Variants in CTNNA3 observed in about 807,000 individuals in gnomAD.
CTNNA3 encodes the protein catenin alpha-3.
CTNNA3 carries 76 observed loss-of-function variants against 95.7 expected under a neutral mutation model. That is an observed-to-expected ratio of 0.79 (90% CI 0.66 to 0.96). The LOEUF (loss-of-function observed/expected upper bound fraction) is 0.96. Ranked by LOEUF, CTNNA3 falls within the 40% of genes least tolerant of loss-of-function variation. CTNNA3 has a pLI of 0.00. For missense variants in CTNNA3, 1,191 were observed against 1,089.8 expected (o/e 1.09, Z -1.31); for synonymous variants, 431 against 374.4 (o/e 1.15, Z -1.74).
intron 2 of CTNNA3, among the ~76,000 whole-genome samples, chr10:67,637,924 G>C (rs187067373): frequency 1.3e-3 from 195 of 152,288 alleles, no homozygotes; most frequent in African/African-American, 4.4e-3. Flanking sequence ...AAATTGTAAA[G>C]ACCATCAAGG....
At chr10:67,156,446 T>A (rs1269843627) in intron 7 of CTNNA3, among the ~76,000 whole-genome samples, 1 of 150,210 alleles carries the variant, frequency 6.7e-6, no homozygotes, top group African/African-American at 2.4e-5. Context: ...GTACTGGTTT[T>A]GCTGCATTCC....
intron 7 of CTNNA3, among the ~76,000 whole-genome samples, chr10:66,966,816 C>T (rs1408412213): frequency 6.6e-6 from 1 of 152,028 alleles, no homozygotes; most frequent in Non-Finnish European, 1.5e-5. Context: ...AGTGTGCTCT[C>T]ACATCTCCAT....
At chr10:67,657,703 C>T (rs1053121939) in intron 1 of CTNNA3, among the ~76,000 whole-genome samples, 4 of 151,572 alleles carry the variant, frequency 2.6e-5, no homozygotes, top group East Asian at 1.9e-4. Flanking sequence ...AAATATTAGC[C>T]GGGAATTGTG....
chr10:67,088,308 C>T (rs529244660), intron 7 of CTNNA3, among the ~76,000 whole-genome samples: 7 of 151,626 alleles, frequency 4.6e-5, no homozygotes, highest in East Asian at 1.9e-4. Context: ...AATAAATTAA[C>T]GAATGAATAT....
At chr10:67,439,703 C>A (rs1366257486) in intron 5 of CTNNA3, among the ~76,000 whole-genome samples, 1 of 152,134 alleles carries the variant, frequency 6.6e-6, no homozygotes, top group African/African-American at 2.4e-5. Flanking sequence ...AGCTCCTGGG[C>A]AACATTTCTC....
intron 9 of CTNNA3, among the ~76,000 whole-genome samples, chr10:66,667,635 G>A (rs1168905188): frequency 2.6e-5 from 4 of 152,100 alleles, no homozygotes; most frequent in Non-Finnish European, 5.9e-5. Context: ...TAACAGCCTA[G>A]TAAGCCAAGT....
At chr10:67,648,518 T>C (rs1423130496) in intron 1 of CTNNA3, among the ~76,000 whole-genome samples, 1 of 152,208 alleles carries the variant, frequency 6.6e-6, no homozygotes, top group Admixed American at 6.5e-5. Context: ...AGTGTGTCCT[T>C]GTTCCTAGTC....
chr10:66,937,804 C>T (rs369008698), intron 7 of CTNNA3, among the ~76,000 whole-genome samples: 3 of 152,116 alleles, frequency 2.0e-5, no homozygotes, highest in Non-Finnish European at 2.9e-5. Context: ...CTCCCAAGTC[C>T]TCCAGTCAAT....
chr10:67,468,148 C>T (rs1045391411), intron 5 of CTNNA3, among the ~76,000 whole-genome samples: 7 of 151,750 alleles, frequency 4.6e-5, no homozygotes, highest in Admixed American at 3.9e-4. Context: ...GCCTAGTACC[C>T]GTTGGTGTTT....
chr10:66,230,015 G>T (rs964318479), intron 13 of CTNNA3, among the ~76,000 whole-genome samples: 2 of 151,386 alleles, frequency 1.3e-5, no homozygotes, highest in African/African-American at 4.9e-5. Flanking sequence ...TACTATTGAA[G>T]TTTTTCTATT....
At chr10:66,528,426 T>C (rs879464926) in intron 10 of CTNNA3, among the ~76,000 whole-genome samples, 1 of 152,172 alleles carries the variant, frequency 6.6e-6, no homozygotes, top group Non-Finnish European at 1.5e-5. Flanking sequence ...ATATTTAGGA[T>C]TTTCAGACTG....
At chr10:66,257,416 C>A (rs1378452494) in intron 13 of CTNNA3, among the ~76,000 whole-genome samples, 1 of 152,184 alleles carries the variant, frequency 6.6e-6, no homozygotes, top group Non-Finnish European at 1.5e-5. Flanking sequence ...TCCTTTTAGT[C>A]GTGCCAAGCT....
At chr10:67,726,491 TAC>T in intron 1 of CTNNA3, among the ~76,000 whole-genome samples, 1 of 63,948 alleles carries the variant, frequency 1.6e-5, no homozygotes, top group Non-Finnish European at 2.5e-5. Flanking sequence ...TTATATCATA[TAC>T]AATATATAAT....
chr10:67,201,452 C>CTT, intron 6 of CTNNA3, among the ~76,000 whole-genome samples: 1 of 149,686 alleles, frequency 6.7e-6, no homozygotes, highest in Middle Eastern at 3.5e-3. Context: ...TATGTCTATT[C>CTT]TTTTTTTTTT....
At chr10:65,997,223 A>T (rs1275778515) in intron 15 of CTNNA3, among the ~76,000 whole-genome samples, 1 of 152,216 alleles carries the variant, frequency 6.6e-6, no homozygotes, top group African/African-American at 2.4e-5. Context: ...TCTAGCATTC[A>T]CTTAAAAGGA....
At chr10:66,554,911 T>C (rs1360840262) in intron 10 of CTNNA3, among the ~76,000 whole-genome samples, 1 of 152,112 alleles carries the variant, frequency 6.6e-6, no homozygotes, top group Non-Finnish European at 1.5e-5. Flanking sequence ...TTCTCTGCTA[T>C]TTTTTGTTCC....
chr10:66,014,570 A>G (rs1179759041), intron 15 of CTNNA3, among the ~76,000 whole-genome samples: 1 of 152,172 alleles, frequency 6.6e-6, no homozygotes. Context: ...ATGACTATAA[A>G]TGTGTTTTTG....
intron 11 of CTNNA3, among the ~76,000 whole-genome samples, chr10:66,402,458 T>C (rs1008242368): frequency 2.0e-5 from 3 of 152,224 alleles, no homozygotes; most frequent in African/African-American, 7.2e-5. Flanking sequence ...ATATCATACA[T>C]TGGCTTTTTC....
In CTNNA3 at chr10:67,676,797, C is replaced by T. The variant is rs1840542852; in HGVS notation, c.-6+19203G>A. On this transcript the variant is annotated intron_variant, in intron 1 of 17. Transcript: ENST00000433211. The stretch of plus-strand genomic sequence containing the variant: ...ATACCATTCCGGCAAATGTATGGCA[C>T]AGAACCCATGCCTTCAACGTTTTAA... Among the ~76,000 whole-genome samples the T allele has an allele frequency of 2.6e-5, 4 of 152,178 alleles. No individual in the cohort carries two copies. In the South Asian group the frequency reaches 8.3e-4, roughly 31 times the overall value.
Sources: allele counts gnomAD v4.1 joint callset (sites outside exome capture counted in the v4.1 genomes callset), GRCh38; gene constraint gnomAD v4.1.1; transcripts MANE v1.5; gene names NCBI Gene and HGNC (gene_info 2026-07-23, HGNC 2026-07-21).